Variants in VPS13B observed in about 807,000 individuals in gnomAD.
VPS13B encodes intermembrane lipid transfer protein VPS13B.
In VPS13B, 285 loss-of-function variants were observed where a neutral mutation model predicts 426.4. The observed-to-expected ratio is 0.67, with a 90% CI of 0.61 to 0.74. The LOEUF (loss-of-function observed/expected upper bound fraction) is 0.74. Among genes scored for constraint, VPS13B ranks in the 30% least tolerant of loss-of-function variants. The pLI is 0.00. For synonymous variants in VPS13B, 1,676 were observed against 1,676.4 expected, an observed-to-expected ratio of 1.00 and a Z score of 0.01; for missense variants, 4,537 against 4,782.6, an observed-to-expected ratio of 0.95 and a Z score of 1.51.
intron 35 of VPS13B, among the ~76,000 whole-genome samples, chr8:99,687,265 T>A (rs1375346392): frequency 6.6e-6 from 1 of 151,824 alleles, no homozygotes; most frequent in African/African-American, 2.4e-5. Context: ...ACTCTCCCTC[T>A]CCTCTCCCAG....
At chr8:99,744,890 C>T (rs1235230583) in intron 39 of VPS13B, among the ~76,000 whole-genome samples, 1 of 151,846 alleles carries the variant, frequency 6.6e-6, no homozygotes, top group Non-Finnish European at 1.5e-5. Flanking sequence ...TTAATGGGTG[C>T]AGCACACCAA....
At chr8:99,086,373 A>T (rs117801229) in intron 3 of VPS13B, among the ~76,000 whole-genome samples, 1 of 151,972 alleles carries the variant, frequency 6.6e-6, no homozygotes, top group Non-Finnish European at 1.5e-5. Flanking sequence ...ATTTTTTTTC[A>T]AGGTTTGTAA....
chr8:99,318,350 T>C (rs1177931911), intron 19 of VPS13B, among the ~76,000 whole-genome samples: 1 of 151,838 alleles, frequency 6.6e-6, no homozygotes, highest in Non-Finnish European at 1.5e-5. Flanking sequence ...ATGAATAAAT[T>C]CCAGTGATAA....
At chr8:99,493,176 A>G (rs1053020501) in intron 25 of VPS13B, among the ~76,000 whole-genome samples, 4 of 152,196 alleles carry the variant, frequency 2.6e-5, no homozygotes, top group Non-Finnish European at 5.9e-5. Context: ...TTTGGTATCT[A>G]TAGTCATGAG....
At chr8:99,537,594 C>T (rs1823325600) in intron 30 of VPS13B, among the ~76,000 whole-genome samples, 1 of 152,126 alleles carries the variant, frequency 6.6e-6, no homozygotes, top group South Asian at 2.1e-4. Context: ...AGAAGTTGCC[C>T]TCCTCTTTGG....
At chr8:99,642,936 G>A (rs1217109799) in intron 34 of VPS13B, among the ~76,000 whole-genome samples, 1 of 152,080 alleles carries the variant, frequency 6.6e-6, no homozygotes, top group African/African-American at 2.4e-5. Flanking sequence ...CAATAGCATC[G>A]TATTAAATGT....
intron 19 of VPS13B, among the ~76,000 whole-genome samples, chr8:99,336,349 A>G (rs985384508): frequency 7.9e-5 from 12 of 152,218 alleles, no homozygotes; most frequent in African/African-American, 2.4e-4. Flanking sequence ...CTTACACCTT[A>G]TACAAAAATT....
intron 4 of VPS13B, among the ~76,000 whole-genome samples, chr8:99,100,051 A>G (rs1846645484): frequency 6.6e-6 from 1 of 152,158 alleles, no homozygotes; most frequent in African/African-American, 2.4e-5. Flanking sequence ...TATTAGATCT[A>G]CTTGACACTA....
intron 30 of VPS13B, among the ~76,000 whole-genome samples, chr8:99,545,760 A>C (rs1375710623): frequency 1.3e-5 from 2 of 152,078 alleles, no homozygotes; most frequent in Non-Finnish European, 2.9e-5. Context: ...ATGTTTAAGG[A>C]AAGATATTTT....
At chr8:99,407,186 T>C (rs1219206795) in intron 21 of VPS13B, among the ~76,000 whole-genome samples, 1 of 152,178 alleles carries the variant, frequency 6.6e-6, no homozygotes, top group Non-Finnish European at 1.5e-5. Flanking sequence ...ATGAACATTT[T>C]CAACAAATTG....
chr8:99,135,607 C>T lies in VPS13B; in HGVS notation c.1437C>T (p.Phe479=). ...NMNRSETEAC[F]FICGDNLSTK... ...GCATTTGTTTTCAGGAAGCCTGTTTCTTCATTTGTGGTGACAATTTGAGTA... is the reference window on the plus strand; with the variant it reads ...GCATTTGTTTTCAGGAAGCCTGTTTTTTCATTTGTGGTGACAATTTGAGTA... The change falls in exon 11 of 62, where the codon TTC becomes TTT. Residue 479 remains phenylalanine, a synonymous_variant. Coordinates refer to ENST00000357162, the MANE Select transcript of VPS13B (RefSeq NM_152564.5). 10 of 1,613,092 alleles carry T rather than the reference C, an allele frequency of 6.2e-6. No individual in the cohort carries two copies. Among genetic ancestry groups the T allele is most frequent in the Non-Finnish European group, 8.5e-6 (10 of 1,179,394 alleles).
chr8:99,725,481 G>C (rs543344319), intron 39 of VPS13B, among the ~76,000 whole-genome samples: 1 of 152,276 alleles, frequency 6.6e-6, no homozygotes, highest in Admixed American at 6.5e-5. Context: ...ACCAATGCCT[G>C]ATCATCTGAA....
chr8:99,032,832 G>A (rs1320750428), intron 2 of VPS13B, among the ~76,000 whole-genome samples: 1 of 151,884 alleles, frequency 6.6e-6, no homozygotes, highest in African/African-American at 2.4e-5. Flanking sequence ...GAGCCACTGC[G>A]CCTGGCCCGA....
chr8:99,481,526 ATAT>A (rs1368881003), intron 24 of VPS13B, 70 bp from the exon 25 acceptor site: 10 of 1,466,404 alleles, frequency 6.8e-6, no homozygotes, highest in African/African-American at 4.2e-5. Context: ...TAATTTTCTC[ATAT>A]TATTATTTTA....
intron 33 of VPS13B, among the ~76,000 whole-genome samples, chr8:99,588,837 C>T (rs867218529): frequency 5.9e-5 from 9 of 151,790 alleles, no homozygotes; most frequent in African/African-American, 1.9e-4. Context: ...TTGGCCAGAA[C>T]TTCCAACACT....
chr8:99,798,653 G>A (rs1812979134), intron 43 of VPS13B, among the ~76,000 whole-genome samples: 1 of 152,178 alleles, frequency 6.6e-6, no homozygotes, highest in South Asian at 2.1e-4. Context: ...CAGAGGAATG[G>A]CTGCTGGTGC....
At chr8:99,667,303 C>T (rs1033503695) in intron 35 of VPS13B, among the ~76,000 whole-genome samples, 2 of 150,710 alleles carry the variant, frequency 1.3e-5, no homozygotes, top group African/African-American at 4.9e-5. Flanking sequence ...TTATACATGA[C>T]TTATCATATA....
intron 45 of VPS13B, 135 bp downstream of exon 45, chr8:99,817,938 C>A: frequency 7.6e-7 from 1 of 1,321,358 alleles, no homozygotes; most frequent in Non-Finnish European, 1.1e-6. Flanking sequence ...TTGAATAGTA[C>A]TTCTCAAACT....
intron 19 of VPS13B, among the ~76,000 whole-genome samples, chr8:99,290,515 G>A (rs1267468158): frequency 6.6e-6 from 1 of 151,958 alleles, no homozygotes; most frequent in Non-Finnish European, 1.5e-5. Context: ...TGGGGTGCGG[G>A]GAGAGGGAAG....
Sources: allele counts gnomAD v4.1 joint callset (sites outside exome capture counted in the v4.1 genomes callset), GRCh38; gene constraint gnomAD v4.1.1; transcripts MANE v1.5; gene names NCBI Gene and HGNC (gene_info 2026-07-23, HGNC 2026-07-21).